Variants in SLC24A3 observed in about 807,000 individuals in gnomAD.
SLC24A3 encodes solute carrier family 24 member 3.
A neutral mutation model predicts 75.8 loss-of-function variants in SLC24A3; 28 were observed. That is an observed-to-expected ratio of 0.37 (90% CI 0.27 to 0.51). The LOEUF is 0.51. Ranked by LOEUF, SLC24A3 falls within the 20% of genes least tolerant of loss-of-function variation. SLC24A3 has a pLI of 0.94. For missense variants in SLC24A3, 663 were observed against 847.8 expected (o/e 0.78, Z 2.71); for synonymous variants, 372 against 334.1 (o/e 1.11, Z -1.24).
At chr20:19,713,201 C>A (rs2033008610) in intron 15 of SLC24A3, among the ~76,000 whole-genome samples, 1 of 152,200 alleles carries the variant, frequency 6.6e-6, no homozygotes, top group African/African-American at 2.4e-5. Flanking sequence ...CTGGTCTCTG[C>A]AGTTTACTTT....
chr20:19,509,995 C>T (rs1988513415), intron 2 of SLC24A3, among the ~76,000 whole-genome samples: 1 of 152,206 alleles, frequency 6.6e-6, no homozygotes, highest in African/African-American at 2.4e-5. Context: ...TACCAAATTG[C>T]TTTAGAACCA....
At chr20:19,340,639 T>C (rs1041401438) in intron 2 of SLC24A3, among the ~76,000 whole-genome samples, 5 of 152,106 alleles carry the variant, frequency 3.3e-5, no homozygotes, top group Admixed American at 6.5e-5. Flanking sequence ...TTGACAAAAT[T>C]TGGGGATCAG....
chr20:19,548,601 G>T (rs934169356), intron 3 of SLC24A3, among the ~76,000 whole-genome samples: 1 of 152,158 alleles, frequency 6.6e-6, no homozygotes, highest in Non-Finnish European at 1.5e-5. Context: ...TAACGCCAAG[G>T]TGTCAGCCAT....
At chr20:19,355,714 T>C (rs1183759699) in intron 2 of SLC24A3, among the ~76,000 whole-genome samples, 1 of 152,250 alleles carries the variant, frequency 6.6e-6, no homozygotes, top group Non-Finnish European at 1.5e-5. Flanking sequence ...GGAATGTATA[T>C]GCTTCTTTAT....
chr20:19,316,565 A>C (rs1451958955), intron 2 of SLC24A3, among the ~76,000 whole-genome samples: 1 of 152,220 alleles, frequency 6.6e-6, no homozygotes, highest in Admixed American at 6.5e-5. Context: ...ATTTTCAAAA[A>C]TTCTGGGATT....
chr20:19,671,655 GT>G (rs999423086), intron 8 of SLC24A3, among the ~76,000 whole-genome samples: 2 of 150,732 alleles, frequency 1.3e-5, no homozygotes, highest in African/African-American at 2.4e-5. Context: ...TTGTTTTTTT[GT>G]TTTTTTGTTT....
chr20:19,533,375 T>G (rs1001192228), intron 3 of SLC24A3, among the ~76,000 whole-genome samples: 1 of 152,194 alleles, frequency 6.6e-6, no homozygotes, highest in African/African-American at 2.4e-5. Context: ...CCCCTGAAAC[T>G]GGCCCACCAT....
intron 7 of SLC24A3, among the ~76,000 whole-genome samples, chr20:19,662,749 A>G (rs544473322): frequency 6.6e-6 from 1 of 152,388 alleles, no homozygotes; most frequent in East Asian, 1.9e-4. Flanking sequence ...GATACGCAAC[A>G]CGTGTCTTAA....
At chr20:19,420,592 C>CCAAGGT (rs1986901538) in intron 2 of SLC24A3, among the ~76,000 whole-genome samples, 28 of 108,320 alleles carry the variant, frequency 2.6e-4, no homozygotes, top group Admixed American at 3.8e-4. Context: ...GCCATACTGC[C>CCAAGGT]ATTTTCATAA....
chr20:19,621,486 T>C (rs2031804081), intron 6 of SLC24A3, among the ~76,000 whole-genome samples: 1 of 152,094 alleles, frequency 6.6e-6, no homozygotes, highest in Admixed American at 6.6e-5. Flanking sequence ...TTGGTTAGAG[T>C]GTGTTGGTTC....
At chr20:19,273,165 G>T (rs1004541841) in intron 1 of SLC24A3, among the ~76,000 whole-genome samples, 5 of 152,232 alleles carry the variant, frequency 3.3e-5, no homozygotes, top group Non-Finnish European at 7.3e-5. Flanking sequence ...CTTGCCAGGG[G>T]CTCAGCCAGT....
intron 2 of SLC24A3, among the ~76,000 whole-genome samples, chr20:19,431,624 T>C (rs372496519): frequency 6.6e-6 from 1 of 151,932 alleles, no homozygotes; most frequent in South Asian, 2.1e-4. Context: ...GGAGGTAGAT[T>C]GAAAACTCAG....
chr20:19,450,843 A>G (rs1241570166), intron 2 of SLC24A3, among the ~76,000 whole-genome samples: 1 of 152,268 alleles, frequency 6.6e-6, no homozygotes, highest in East Asian at 1.9e-4. Flanking sequence ...TACTAAAAAT[A>G]GAAAAATTAG....
chr20:19,292,747 C>T (rs2122237154), intron 2 of SLC24A3, among the ~76,000 whole-genome samples: 1 of 152,288 alleles, frequency 6.6e-6, no homozygotes, highest in South Asian at 2.1e-4. Context: ...GCTCAGGCTG[C>T]TAAAACAAAA....
Position 19,633,774 on chromosome 20 carries a change from G to A in SLC24A3, c.613-20288G>A, listed in dbSNP as rs545044449. On this transcript the variant is annotated intron_variant, in intron 6 of 16. Coordinates refer to ENST00000328041, the MANE Select transcript of SLC24A3 (RefSeq NM_020689.4). ...AAATACAGTCACATTCTGAGGTACT[G>A]AGGTTTAGGACCACAACTTATGAAT... 2.2e-4 allele frequency among the ~76,000 whole-genome samples: 33 copies of A among 152,000 alleles called. No individual in the cohort carries two copies. The South Asian group carries it at 6.0e-3, about 28-fold the overall frequency.
intron 1 of SLC24A3, among the ~76,000 whole-genome samples, chr20:19,240,028 C>A (rs1045599412): frequency 6.6e-6 from 1 of 152,208 alleles, no homozygotes; most frequent in Admixed American, 6.5e-5. Flanking sequence ...TCAGTTTAAC[C>A]AGGTAGAACA....
intron 2 of SLC24A3, among the ~76,000 whole-genome samples, chr20:19,285,368 C>T (rs1483955492): frequency 6.9e-6 from 1 of 144,654 alleles, no homozygotes; most frequent in Non-Finnish European, 1.5e-5. Flanking sequence ...GTCCCAGCTA[C>T]TTGGGGGGCT....
intron 6 of SLC24A3, among the ~76,000 whole-genome samples, chr20:19,645,775 C>T (rs573918368): frequency 3.9e-5 from 6 of 152,286 alleles, no homozygotes; most frequent in East Asian, 3.9e-4. Context: ...GGGCTCAGGC[C>T]GAGCACAGTG....
intron 2 of SLC24A3, among the ~76,000 whole-genome samples, chr20:19,401,728 G>A (rs1158946504): frequency 7.9e-5 from 12 of 152,178 alleles, no homozygotes; most frequent in Non-Finnish European, 1.8e-4. Context: ...TGCCTGTCGA[G>A]TAGAAGCATG....
Sources: gnomAD v4.1 joint callset for allele counts (sites outside exome capture counted in the v4.1 genomes callset) on GRCh38, gnomAD v4.1.1 for gene constraint, MANE v1.5 for transcripts, NCBI Gene and HGNC (gene_info 2026-07-23, HGNC 2026-07-21) for gene names.